Variants in DDX50 observed in about 807,000 individuals in gnomAD.
DDX50 encodes DExD-box helicase 50.
DDX50 carries 56 observed loss-of-function variants against 94.8 expected under a neutral mutation model. The observed-to-expected ratio is 0.59, with a 90% confidence interval of 0.48 to 0.74. DDX50 has a LOEUF of 0.74. DDX50 is among the 30% of genes least tolerant of loss of function. The pLI, the probability that DDX50 is intolerant of heterozygous loss-of-function variation, is 0.00. For synonymous variants in DDX50, 264 were observed against 295.4 expected, an observed-to-expected ratio of 0.89 and a Z score of 1.09; for missense variants, 713 against 881.2, an observed-to-expected ratio of 0.81 and a Z score of 2.42.
rs1228849883 is a variant in DDX50 at position 68,910,294 on chromosome 10, T to C, written c.385-13T>C. Reference sequence around the variant, plus strand: ...AGTATAAATTATTTAGGCCATTGATTTCATTTTTACAGACCTTAACACGTG... The same window carrying C: ...AGTATAAATTATTTAGGCCATTGATCTCATTTTTACAGACCTTAACACGTG... On this transcript the variant is annotated splice_polypyrimidine_tract_variant and intron_variant, in intron 2 of 14. Coordinates refer to ENST00000373585, the MANE Select transcript of DDX50 (RefSeq NM_024045.2). 6.3e-7 allele frequency: 1 copy of C among 1,586,160 alleles called. No homozygotes were observed. Among genetic ancestry groups the C allele is most frequent in the Non-Finnish European group, 8.5e-7 (1 of 1,169,726 alleles).
chr10:68,907,475 C>G (rs1391613491), intron 2 of DDX50, among the ~76,000 whole-genome samples: 1 of 151,734 alleles, frequency 6.6e-6, no homozygotes, highest in Non-Finnish European at 1.5e-5. Context: ...ACCACCATGC[C>G]TGGCAAATTT....
At chr10:68,936,858 CCTT>C (rs1372587092) in intron 11 of DDX50, 75 bp from the exon 12 acceptor site, 9 of 1,414,858 alleles carry the variant, frequency 6.4e-6, no homozygotes, top group South Asian at 4.3e-5. Flanking sequence ...AAAAATTACT[CCTT>C]CTTTTTCCCA....
rs756366838 is a variant in DDX50, at chr10:68,911,110, T to C, written c.503T>C (p.Phe168Ser). Reference protein sequence around the residue: ...TYLFPIQVKTFGPVYEGKDLI... With the variant: ...TYLFPIQVKTSGPVYEGKDLI... ...CTCTTTCCTATTCAAGTTAAGACCT[T>C]TGGTCCTGTATATGAAGGAAAAGAT... The change falls in exon 4 of 15, where the codon TTT (phenylalanine) becomes TCT (serine). Residue 168 changes from phenylalanine to serine, a missense_variant. Transcript: ENST00000373585. 1.3e-6 allele frequency: 2 copies of C among 1,598,880 alleles called. No homozygotes were observed. Among genetic ancestry groups the C allele is most frequent in the Non-Finnish European group, 1.7e-6 (2 of 1,173,548 alleles).
At chr10:68,932,591 A>T (rs373712386) in intron 8 of DDX50, among the ~76,000 whole-genome samples, 10 of 152,244 alleles carry the variant, frequency 6.6e-5, no homozygotes, top group African/African-American at 2.4e-4. Context: ...TGACTTTAAT[A>T]TAGTGGCCAG....
At chr10:68,904,444 C>T (rs74146504) in intron 1 of DDX50, among the ~76,000 whole-genome samples, 11,286 of 152,060 alleles carry the variant, frequency 0.074, 559 homozygotes, top group African/African-American at 0.13. Context: ...TCTGGAAGTA[C>T]GTATTGAGCC....
intron 8 of DDX50, among the ~76,000 whole-genome samples, chr10:68,929,018 G>A (rs577843394): frequency 1.3e-5 from 2 of 151,760 alleles, no homozygotes; most frequent in East Asian, 1.9e-4. Context: ...GCGCGATCTC[G>A]GCTCACTGCA....
chr10:68,946,295 T>C, intron 14 of DDX50, 57 bp from the exon 15 acceptor site: 1 of 1,531,690 alleles, frequency 6.5e-7, no homozygotes, highest in Non-Finnish European at 8.8e-7. Flanking sequence ...GTACTTAACA[T>C]GTTTGCTTAT....
intron 7 of DDX50, among the ~76,000 whole-genome samples, chr10:68,919,527 G>C (rs1437162042): frequency 6.6e-6 from 1 of 152,092 alleles, no homozygotes; most frequent in Non-Finnish European, 1.5e-5. Context: ...TACTGTATGT[G>C]CTCATTTTCT....
intron 2 of DDX50, among the ~76,000 whole-genome samples, chr10:68,908,357 A>G (rs989322167): frequency 1.3e-5 from 2 of 148,802 alleles, no homozygotes; most frequent in Non-Finnish European, 3.0e-5. Context: ...AGGCTGAGGC[A>G]GGAGAATCGC....
intron 12 of DDX50, among the ~76,000 whole-genome samples, chr10:68,937,476 G>C (rs955036305): frequency 6.6e-6 from 1 of 151,760 alleles, no homozygotes; most frequent in Admixed American, 6.6e-5. Flanking sequence ...TACATACCAT[G>C]TATAGGTATC....
At chr10:68,929,368 C>T (rs985195198) in intron 8 of DDX50, among the ~76,000 whole-genome samples, 24 of 145,376 alleles carry the variant, frequency 1.7e-4, no homozygotes, top group African/African-American at 5.8e-4. Context: ...TCTTTCCTTC[C>T]TTTCCTTTCT....
At chr10:68,923,926 G>A (rs537089811) in intron 8 of DDX50, among the ~76,000 whole-genome samples, 31 of 126,792 alleles carry the variant, frequency 2.4e-4, no homozygotes, top group African/African-American at 9.0e-4. Context: ...TTTATTTGAG[G>A]AGATAGTCTG....
intron 8 of DDX50, among the ~76,000 whole-genome samples, chr10:68,933,344 A>T (rs1842322052): frequency 1.3e-5 from 2 of 152,006 alleles, no homozygotes; most frequent in African/African-American, 4.8e-5. Context: ...TGCTGGGATT[A>T]CAGGTGTGAG....
At chr10:68,938,131 C>G (rs1458421152) in intron 12 of DDX50, among the ~76,000 whole-genome samples, 2 of 152,184 alleles carry the variant, frequency 1.3e-5, no homozygotes, top group South Asian at 4.1e-4. Context: ...AGGAAATGCT[C>G]ACTTTGCACA....
intron 10 of DDX50, among the ~76,000 whole-genome samples, chr10:68,935,748 T>C (rs1258948028): frequency 6.6e-6 from 1 of 151,994 alleles, no homozygotes; most frequent in Non-Finnish European, 1.5e-5. Flanking sequence ...GGCAGGAGAA[T>C]TGCTTGAGCC....
intron 8 of DDX50, among the ~76,000 whole-genome samples, chr10:68,924,007 T>C (rs1390712531): frequency 7.2e-6 from 1 of 139,298 alleles, no homozygotes; most frequent in Non-Finnish European, 1.5e-5. Flanking sequence ...TGGAGTGCAG[T>C]AGTGTGATGT....
At position 68,904,311 on chromosome 10, in the gene DDX50, A is replaced by C. The variant is rs766315806; in HGVS notation, c.88-2400A>C. ...GGGAGACAGAGTAAGACCTGTCTCA[A>C]AAAAACAAAACTGAAGTGAATAGTG... is the stretch of plus-strand genomic sequence containing the variant. On this transcript the variant is annotated intron_variant, in intron 1 of 14. Transcript: ENST00000373585. 2.0e-4 allele frequency among the ~76,000 whole-genome samples: 30 copies of C among 152,180 alleles called. 1 individual carries two copies. Among genetic ancestry groups the C allele is most frequent in the Non-Finnish European group, 4.4e-4 (30 of 68,038 alleles).
At chr10:68,943,100 T>C in intron 13 of DDX50, 113 bp from the exon 14 acceptor site, 2 of 933,500 alleles carry the variant, frequency 2.1e-6, no homozygotes, top group South Asian at 3.1e-5. Context: ...TTAGTTACTT[T>C]TTAAATTTAG....
intron 7 of DDX50, among the ~76,000 whole-genome samples, chr10:68,916,328 T>A (rs1452932042): frequency 2.3e-5 from 3 of 129,588 alleles, no homozygotes; most frequent in Non-Finnish European, 3.1e-5. Context: ...CACTCCAGCC[T>A]GGACAACAGA....
Sources: allele counts gnomAD v4.1 joint callset (sites outside exome capture counted in the v4.1 genomes callset), GRCh38; gene constraint gnomAD v4.1.1; transcripts MANE v1.5; gene names NCBI Gene and HGNC (gene_info 2026-07-23, HGNC 2026-07-21).